Variants in ITGA8 observed in about 807,000 individuals in gnomAD.
ITGA8 encodes integrin alpha-8.
Under a neutral mutation model 142.3 loss-of-function variants are expected in ITGA8, and 91 were observed. The ratio of observed to expected loss-of-function variants is 0.64; its 90% CI spans 0.54 to 0.76. The LOEUF (loss-of-function observed/expected upper bound fraction) is 0.76. ITGA8 is among the 30% of genes least tolerant of loss of function. The pLI is 0.00. For synonymous variants in ITGA8, 505 were observed against 485.2 expected (o/e 1.04, Z -0.54); for missense variants, 1,406 against 1,327.7 (o/e 1.06, Z -0.92).
At chr10:15,666,177 A>G (rs1834388609) in intron 8 of ITGA8, among the ~76,000 whole-genome samples, 3 of 152,024 alleles carry the variant, frequency 2.0e-5, no homozygotes, top group African/African-American at 7.2e-5. Context: ...ATTTGTTTGT[A>G]TCCTCTTTTA....
At position 15,709,222 on chromosome 10, in the gene ITGA8, G is replaced by T. The variant is rs190611312; in HGVS notation, c.343+9544C>A. Among the ~76,000 whole-genome samples, 170 of 152,280 alleles carry T rather than the reference G, an allele frequency of 1.1e-3. 1 individual carries two copies. Among genetic ancestry groups the T allele is most frequent in the African/African-American group, 3.9e-3 (164 of 41,558 alleles). On this transcript the variant is annotated intron_variant, in intron 2 of 29. Transcript: ENST00000378076. Reference sequence around the variant, plus strand: ...GTTCATTTTCGTACAAAAGAATAACGTGCAAGAGATTTTCAGAAACGCTGC... The same window carrying T: ...GTTCATTTTCGTACAAAAGAATAACTTGCAAGAGATTTTCAGAAACGCTGC...
At chr10:15,526,064 C>T (rs951216263) in intron 28 of ITGA8, among the ~76,000 whole-genome samples, 2 of 152,144 alleles carry the variant, frequency 1.3e-5, no homozygotes, top group African/African-American at 4.8e-5. Flanking sequence ...ACCACAAGTT[C>T]TTCAGTTCCA....
At chr10:15,652,922 G>C (rs958500630) in intron 11 of ITGA8, among the ~76,000 whole-genome samples, 1 of 152,214 alleles carries the variant, frequency 6.6e-6, no homozygotes, top group African/African-American at 2.4e-5. Flanking sequence ...CGAAGCCTGA[G>C]CTGGTACTGC....
chr10:15,695,187 G>C (rs1187267141), intron 2 of ITGA8, among the ~76,000 whole-genome samples: 1 of 152,000 alleles, frequency 6.6e-6, no homozygotes, highest in Non-Finnish European at 1.5e-5. Context: ...CTGGACCAAG[G>C]GTACAAATGA....
intron 4 of ITGA8, among the ~76,000 whole-genome samples, chr10:15,680,659 A>T (rs746139485): frequency 7.2e-5 from 11 of 152,092 alleles, no homozygotes; most frequent in Non-Finnish European, 1.5e-4. Flanking sequence ...TTTAAATTCA[A>T]CCCTGACTTT....
At chr10:15,690,763 C>T (rs1289386192) in intron 2 of ITGA8, among the ~76,000 whole-genome samples, 1 of 152,124 alleles carries the variant, frequency 6.6e-6, no homozygotes, top group East Asian at 1.9e-4. Context: ...ACAAATCCTG[C>T]TGTCATCACT....
chr10:15,677,196 T>G (rs1181609620), intron 6 of ITGA8, among the ~76,000 whole-genome samples: 1 of 152,162 alleles, frequency 6.6e-6, no homozygotes, highest in Non-Finnish European at 1.5e-5. Context: ...TACAGCCTGG[T>G]AGGAGGAATA....
chr10:15,655,705 A>T (rs1306399285), intron 10 of ITGA8, among the ~76,000 whole-genome samples: 3 of 152,214 alleles, frequency 2.0e-5, no homozygotes, highest in Admixed American at 6.5e-5. Context: ...TGGCTCTTCC[A>T]TAACTTCTAG....
At chr10:15,706,699 C>T (rs1835264594) in intron 2 of ITGA8, among the ~76,000 whole-genome samples, 1 of 152,130 alleles carries the variant, frequency 6.6e-6, no homozygotes, top group South Asian at 2.1e-4. Context: ...CTTGGTCTTC[C>T]AAAGTGCTGG....
chr10:15,641,812 G>C (rs931295255), intron 13 of ITGA8, among the ~76,000 whole-genome samples: 2 of 152,192 alleles, frequency 1.3e-5, no homozygotes, highest in African/African-American at 4.8e-5. Context: ...GAATATTTCT[G>C]ATTAAGGGAA....
At chr10:15,590,175 A>G (rs1178399631) in intron 22 of ITGA8, among the ~76,000 whole-genome samples, 1 of 152,206 alleles carries the variant, frequency 6.6e-6, no homozygotes, top group African/African-American at 2.4e-5. Context: ...TTTAAGGGTA[A>G]TGTTAAAATA....
intron 23 of ITGA8, among the ~76,000 whole-genome samples, chr10:15,579,035 C>A (rs1834353398): frequency 6.6e-6 from 1 of 151,916 alleles, no homozygotes; most frequent in Non-Finnish European, 1.5e-5. Flanking sequence ...TAAAATAATG[C>A]ATGATAAATT....
At chr10:15,653,874 GC>G (rs1834134606) in intron 11 of ITGA8, among the ~76,000 whole-genome samples, 1 of 145,934 alleles carries the variant, frequency 6.9e-6, no homozygotes, top group Admixed American at 7.0e-5. Context: ...TCGCTCTGTT[GC>G]CCAGGCTGGA....
chr10:15,697,401 C>A (rs914797337), intron 2 of ITGA8, among the ~76,000 whole-genome samples: 3 of 152,178 alleles, frequency 2.0e-5, no homozygotes, highest in Non-Finnish European at 2.9e-5. Flanking sequence ...GTTTTGACAC[C>A]TGTCCCCCAT....
rs763027507 is a variant in ITGA8, at chr10:15,644,124, T to C, written c.1305A>G (p.Gln435=). 1 of 1,614,130 alleles carries C rather than the reference T, an allele frequency of 6.2e-7. No individual in the cohort carries two copies. The highest frequency in any genetic ancestry group is 1.1e-5 in the South Asian group (1 of 91,072). ...GTGAGGCCCACACTCCTTGCAGAAC[T>C]TGGGAAGGCTTGGTGTTTAAGCCAT... ...NKDGLNTKPS[Q]VLQGVWASHA... is the part of the protein sequence containing the mutation. Residue 435 remains glutamine, a synonymous_variant, in exon 13 of 30, where the codon CAA becomes CAG. Transcript: ENST00000378076.
At chr10:15,683,175 A>T (rs1414263633) in intron 4 of ITGA8, among the ~76,000 whole-genome samples, 2 of 152,114 alleles carry the variant, frequency 1.3e-5, no homozygotes, top group African/African-American at 4.8e-5. Flanking sequence ...AAGAATGAAA[A>T]TCCATAGGTA....
At chr10:15,623,746 T>C (rs746226833) in intron 13 of ITGA8, among the ~76,000 whole-genome samples, 1 of 152,108 alleles carries the variant, frequency 6.6e-6, no homozygotes, top group Non-Finnish European at 1.5e-5. Context: ...ATAAATTTCA[T>C]CCTTTTTAGT....
At chr10:15,676,273 G>A (rs1010658536) in intron 6 of ITGA8, among the ~76,000 whole-genome samples, 38 of 152,116 alleles carry the variant, frequency 2.5e-4, no homozygotes, top group African/African-American at 7.7e-4. Context: ...TTAACTTTGC[G>A]TTGCTGCTGG....
At chr10:15,523,720 G>A in intron 28 of ITGA8, among the ~76,000 whole-genome samples, 1 of 146,572 alleles carries the variant, frequency 6.8e-6, no homozygotes, top group Non-Finnish European at 1.5e-5. Flanking sequence ...GACCAGCCTG[G>A]CCAACATGGT....
Sources: gnomAD v4.1 joint callset for allele counts (sites outside exome capture counted in the v4.1 genomes callset) on GRCh38, gnomAD v4.1.1 for gene constraint, MANE v1.5 for transcripts, NCBI Gene and HGNC (gene_info 2026-07-23, HGNC 2026-07-21) for gene names.